SLC28A1: variants seen among roughly 807,000 people sequenced by gnomAD.
SLC28A1 encodes the protein sodium/nucleoside cotransporter 1.
In SLC28A1, 64 loss-of-function variants were observed where a neutral mutation model predicts 74.8. That is an observed-to-expected ratio of 0.86 (90% CI 0.70 to 1.05). The LOEUF is 1.05. Among genes scored for constraint, SLC28A1 ranks in the 50% least tolerant of loss-of-function variants. SLC28A1 has a pLI of 0.00. For synonymous variants in SLC28A1, 359 were observed against 335.0 expected (o/e 1.07, Z -0.78); for missense variants, 828 against 822.8 (o/e 1.01, Z -0.08).
intron 6 of SLC28A1, among the ~76,000 whole-genome samples, chr15:84,897,969 G>GT (rs34354447): frequency 0.1 from 15,756 of 152,042 alleles, 1,075 homozygotes; most frequent in Non-Finnish European, 0.13. Flanking sequence ...GGATTTCATT[G>GT]TTTTTTTATG....
intron 13 of SLC28A1, among the ~76,000 whole-genome samples, chr15:84,934,234 C>A (rs1971630776): frequency 6.6e-6 from 1 of 152,222 alleles, no homozygotes; most frequent in Non-Finnish European, 1.5e-5. Flanking sequence ...CTCTGACCAG[C>A]AGGAAACAAT....
the SLC28A1 span, among the ~76,000 whole-genome samples, chr15:84,951,465 G>C: frequency 6.6e-6 from 1 of 151,742 alleles, no homozygotes; most frequent in Admixed American, 6.6e-5. Context: ...AAGGAGTCTG[G>C]GGTCCTGATG....
At chr15:84,901,845 T>C (rs1415460682) in intron 6 of SLC28A1, among the ~76,000 whole-genome samples, 1 of 152,246 alleles carries the variant, frequency 6.6e-6, no homozygotes, top group Non-Finnish European at 1.5e-5. Flanking sequence ...ATTTCACTTA[T>C]AGGCATTTAC....
At chr15:84,940,031 T>A (rs897519561) in intron 15 of SLC28A1, among the ~76,000 whole-genome samples, 2 of 152,146 alleles carry the variant, frequency 1.3e-5, no homozygotes, top group African/African-American at 4.8e-5. Context: ...TCTCGCCGTA[T>A]TGCCCAAGTT....
At chr15:84,952,493 C>G in the SLC28A1 span, among the ~76,000 whole-genome samples, 1 of 152,246 alleles carries the variant, frequency 6.6e-6, no homozygotes, top group Non-Finnish European at 1.5e-5. Context: ...CCTGACCAGG[C>G]TGGAGATGCC....
intron 10 of SLC28A1, among the ~76,000 whole-genome samples, chr15:84,920,707 T>G (rs867997230): frequency 1.3e-5 from 2 of 151,372 alleles, no homozygotes; most frequent in Non-Finnish European, 3.0e-5. Context: ...CCAAGGGGTG[T>G]GTGTGTGTGT....
At chr15:84,893,665 C>T (rs966471534) in intron 5 of SLC28A1, among the ~76,000 whole-genome samples, 2 of 152,122 alleles carry the variant, frequency 1.3e-5, no homozygotes, top group Admixed American at 6.5e-5. Flanking sequence ...GTGGCCATGG[C>T]GACCCCCTCT....
the SLC28A1 span, among the ~76,000 whole-genome samples, chr15:84,950,944 A>G: frequency 1.3e-5 from 2 of 152,142 alleles, no homozygotes; most frequent in Admixed American, 1.3e-4. Context: ...AGACAAACAG[A>G]GTGGCTGTGT....
At chr15:84,953,615 A>G in the SLC28A1 span, among the ~76,000 whole-genome samples, 54,844 of 152,070 alleles carry the variant, frequency 0.36, 12,101 homozygotes, top group Non-Finnish European at 0.5. Context: ...CTGCAGTCCT[A>G]GGAGTCTGAG....
At position 84,908,698 on chromosome 15, in the gene SLC28A1, G is replaced by A. The variant is rs763195001; in HGVS notation, c.718-20G>A. On this transcript the variant is annotated intron_variant, in intron 8 of 18. Coordinates refer to ENST00000394573, the MANE Select transcript of SLC28A1 (RefSeq NM_004213.5). ...CCAGCCTCACTGCCTGTTTTTGTTT[G>A]TTTTGCTTTTTTCTTTCAGATCTTC... 2 of 1,609,806 alleles carry A rather than the reference G, an allele frequency of 1.2e-6. No homozygotes were observed. The highest frequency in any genetic ancestry group is 1.7e-5 in the Admixed American group (1 of 60,000).
intron 16 of SLC28A1, 87 bp from the exon 17 acceptor site, chr15:84,944,479 G>C (rs1373283469): frequency 3.6e-6 from 3 of 844,774 alleles, no homozygotes; most frequent in Non-Finnish European, 6.1e-6. Flanking sequence ...AAGAGGAAGG[G>C]AGGTCAGCAG....
At chr15:84,970,015 C>A in the SLC28A1 span, among the ~76,000 whole-genome samples, 4 of 152,200 alleles carry the variant, frequency 2.6e-5, no homozygotes, top group African/African-American at 7.2e-5. Context: ...ATAGCTTAAA[C>A]AACAAAGATG....
chr15:84,951,761 C>T, the SLC28A1 span, among the ~76,000 whole-genome samples: 7 of 152,018 alleles, frequency 4.6e-5, no homozygotes, highest in Admixed American at 1.3e-4. Context: ...TAAATGGGCC[C>T]GCTCCTTCTG....
chr15:84,936,510 G>A (rs1971960105), intron 15 of SLC28A1, among the ~76,000 whole-genome samples: 1 of 152,074 alleles, frequency 6.6e-6, no homozygotes, highest in African/African-American at 2.4e-5. Flanking sequence ...ACCCGCCTTG[G>A]CCTCCCAAAG....
chr15:84,946,083 T>TATATATATATATATA (rs1321419859), downstream of SLC28A1, among the ~76,000 whole-genome samples: 108 of 36,202 alleles, frequency 3.0e-3, 18 homozygotes, highest in Non-Finnish European at 3.8e-3. Flanking sequence ...TGTGTGTATG[T>TATATATATATATATA]TCATATATAT....
chr15:84,893,231 T>C (rs1965561267), intron 5 of SLC28A1, among the ~76,000 whole-genome samples: 1 of 152,034 alleles, frequency 6.6e-6, no homozygotes, highest in Middle Eastern at 3.4e-3. Context: ...GACCCCACCT[T>C]GTAGGGGTCT....
chr15:84,892,493 C>T (rs1019265484), intron 5 of SLC28A1, among the ~76,000 whole-genome samples: 3 of 152,298 alleles, frequency 2.0e-5, no homozygotes, highest in South Asian at 2.1e-4. Context: ...CAATTGAATT[C>T]TCTCCAGTAG....
rs1445172885 is a variant in SLC28A1 at position 84,945,209 on chromosome 15, C to T, written c.*9C>T. The T allele has an allele frequency of 1.2e-6, 2 of 1,613,324 alleles. No homozygotes were observed. Among genetic ancestry groups the T allele is most frequent in the African/African-American group, 1.3e-5 (1 of 74,878 alleles). ...CGATCTGTGCACAGTGAGGACAGAACATGCTTGTGCTTCTGCGCTTCTGAG... is the reference window on the plus strand; with the variant it reads ...CGATCTGTGCACAGTGAGGACAGAATATGCTTGTGCTTCTGCGCTTCTGAG... On this transcript the variant is annotated 3_prime_UTR_variant, in exon 19 of 19. Coordinates refer to ENST00000394573, the MANE Select transcript of SLC28A1 (RefSeq NM_004213.5).
At chr15:84,891,153 G>A (rs1965329237) in intron 5 of SLC28A1, among the ~76,000 whole-genome samples, 1 of 152,274 alleles carries the variant, frequency 6.6e-6, no homozygotes, top group Middle Eastern at 3.4e-3. Flanking sequence ...GAAGCGTCAA[G>A]GTGGAATTCA....
Sources: gnomAD v4.1 joint callset for allele counts (sites outside exome capture counted in the v4.1 genomes callset) on GRCh38, gnomAD v4.1.1 for gene constraint, MANE v1.5 for transcripts, NCBI Gene and HGNC (gene_info 2026-07-23, HGNC 2026-07-21) for gene names.